CATSPERE: variants seen among roughly 807,000 people sequenced by gnomAD.
The protein encoded by CATSPERE is cation channel sperm-associated auxiliary subunit epsilon.
Under a neutral mutation model 114.1 loss-of-function variants are expected in CATSPERE, and 93 were observed. That is an observed-to-expected ratio of 0.81 (90% confidence interval 0.69 to 0.97). The LOEUF is 0.97. CATSPERE is among the 50% of genes least tolerant of loss of function. CATSPERE has a pLI of 0.00. For missense variants in CATSPERE, 1,058 were observed against 1,131.6 expected (o/e 0.93, Z 0.93); for synonymous variants, 341 against 384.1 (o/e 0.89, Z 1.31).
intron 2 of CATSPERE, among the ~76,000 whole-genome samples, chr1:244,469,774 GTTC>G (rs1256833347): frequency 6.6e-6 from 1 of 152,130 alleles, no homozygotes; most frequent in Non-Finnish European, 1.5e-5. Context: ...AGGACTCACA[GTTC>G]TTGACGTTTA....
intron 4 of CATSPERE, among the ~76,000 whole-genome samples, chr1:244,478,457 G>C (rs1372646341): frequency 2.0e-5 from 3 of 152,160 alleles, no homozygotes; most frequent in Non-Finnish European, 4.4e-5. Context: ...TTAATACACT[G>C]GCATTTTAGT....
At chr1:244,492,546 G>A (rs1450054237) in intron 6 of CATSPERE, among the ~76,000 whole-genome samples, 36 of 150,412 alleles carry the variant, frequency 2.4e-4, no homozygotes, top group East Asian at 1.4e-3. Flanking sequence ...AGACAGGGAT[G>A]CCCTCTCTCA....
intron 8 of CATSPERE, among the ~76,000 whole-genome samples, chr1:244,544,399 T>G (rs1659392823): frequency 6.6e-6 from 1 of 151,722 alleles, no homozygotes. Context: ...ATCAATGGAG[T>G]TTTAACTTAG....
At chr1:244,631,340 A>G (rs1673919272) in intron 20 of CATSPERE, among the ~76,000 whole-genome samples, 2 of 152,226 alleles carry the variant, frequency 1.3e-5, no homozygotes, top group African/African-American at 4.8e-5. Flanking sequence ...ATGCAAAACT[A>G]TAAAACTCAT....
intron 7 of CATSPERE, among the ~76,000 whole-genome samples, chr1:244,514,741 A>AT (rs1676323093): frequency 6.6e-6 from 1 of 150,716 alleles, no homozygotes; most frequent in Non-Finnish European, 1.5e-5. Context: ...AGGCAGGAGA[A>AT]TGGCATGAAC....
Position 244,609,733 on chromosome 1 carries a change from A to T in CATSPERE, c.2404-507A>T, listed in dbSNP as rs75926729. Among the ~76,000 whole-genome samples, 63 of 152,342 alleles carry T rather than the reference A, an allele frequency of 4.1e-4. 1 individual carries two copies. The East Asian group carries it at 0.012, about 28-fold the overall frequency. On this transcript the variant is annotated intron_variant, in intron 18 of 21. Transcript: ENST00000366534. The stretch of plus-strand genomic sequence containing the variant: ...ATGACACAACTGTTCATGTGAAACA[A>T]TTAGAATTAATAAGTGAGTTTAGAA...
Position 244,520,803 on chromosome 1 carries a change from A to C in CATSPERE, c.536+2105A>C, listed in dbSNP as rs6664640. ...CAGCAACTAAGGAAAAATTCTAGAA[A>C]AATATAAATCGTCAAAATTGACCCA... is the stretch of plus-strand genomic sequence containing the variant. On this transcript the variant is annotated intron_variant, in intron 8 of 21. Coordinates refer to ENST00000366534, the MANE Select transcript of CATSPERE (RefSeq NM_001130957.2). Among the ~76,000 whole-genome samples, 197 of 152,328 alleles carry C rather than the reference A, an allele frequency of 1.3e-3. 2 individuals are homozygous for C. The highest frequency in any genetic ancestry group is 4.4e-3 in the African/African-American group (184 of 41,572).
intron 7 of CATSPERE, chr1:244,515,428 G>A (rs908204530): frequency 2.4e-5 from 11 of 458,168 alleles, no homozygotes; most frequent in African/African-American, 6.4e-5. Context: ...TTGGTTTGAA[G>A]TGCTTCTCAG....
chr1:244,635,561 C>G lies in CATSPERE; in HGVS notation c.2702+19C>G. The G allele has an allele frequency of 6.3e-7, 1 of 1,592,784 alleles. No homozygotes were observed. Among genetic ancestry groups the G allele is most frequent in the Non-Finnish European group, 8.6e-7 (1 of 1,161,870 alleles). On this transcript the variant is annotated intron_variant, in intron 21 of 21. Coordinates refer to ENST00000366534, the MANE Select transcript of CATSPERE (RefSeq NM_001130957.2). ...TTCCCAGGTAAGGAGCAGGGCCTAA[C>G]TGGACTTTAATTAGGGAATTTCTAA...
intron 17 of CATSPERE, among the ~76,000 whole-genome samples, chr1:244,599,763 A>G (rs1320332117): frequency 1.3e-5 from 2 of 152,102 alleles, no homozygotes; most frequent in Admixed American, 1.3e-4. Context: ...TGGCTTCCTT[A>G]CCGTTCCTCA....
At chr1:244,532,186 AT>A (rs762354585) in intron 8 of CATSPERE, among the ~76,000 whole-genome samples, 2 of 151,758 alleles carry the variant, frequency 1.3e-5, no homozygotes, top group Middle Eastern at 3.4e-3. Context: ...TTCATCCCCA[AT>A]TTTATTTATT....
At chr1:244,470,193 C>G (rs914736939) in intron 2 of CATSPERE, among the ~76,000 whole-genome samples, 6 of 152,126 alleles carry the variant, frequency 3.9e-5, no homozygotes, top group Non-Finnish European at 7.4e-5. Context: ...TGGACATCAT[C>G]AAAATTAAAG....
intron 8 of CATSPERE, among the ~76,000 whole-genome samples, chr1:244,548,547 C>T (rs1390565082): frequency 6.6e-6 from 1 of 152,176 alleles, no homozygotes; most frequent in Non-Finnish European, 1.5e-5. Context: ...ACACATAATC[C>T]TTCTGCCATA....
intron 2 of CATSPERE, among the ~76,000 whole-genome samples, chr1:244,476,968 C>T (rs1055790209): frequency 6.6e-6 from 1 of 152,078 alleles, no homozygotes; most frequent in African/African-American, 2.4e-5. Context: ...GTGTCAGTCC[C>T]TTCTTAGATA....
chr1:244,602,165 A>T (rs1292809279), intron 17 of CATSPERE, among the ~76,000 whole-genome samples: 2 of 152,158 alleles, frequency 1.3e-5, no homozygotes, highest in Non-Finnish European at 2.9e-5. Flanking sequence ...GAAATAACTT[A>T]TTTGTCTGCT....
At chr1:244,553,071 A>G (rs1485169972) in intron 9 of CATSPERE, among the ~76,000 whole-genome samples, 1 of 152,174 alleles carries the variant, frequency 6.6e-6, no homozygotes, top group South Asian at 2.1e-4. Context: ...TTACCTTGAT[A>G]TGGGCAAAAG....
chr1:244,526,954 G>C (rs1266837767), intron 8 of CATSPERE, among the ~76,000 whole-genome samples: 1 of 152,130 alleles, frequency 6.6e-6, no homozygotes, highest in Non-Finnish European at 1.5e-5. Context: ...AAAGGGGAGG[G>C]AGTGTATGAA....
Position 244,560,779 on chromosome 1 carries a change from C to T in CATSPERE, c.1141C>T (p.Leu381=). ...AACTACCACAGAACTGAAAAACATCCTAAGTCTATCGGTGACTGCTACTCT... is the reference window on the plus strand; with the variant it reads ...AACTACCACAGAACTGAAAAACATCTTAAGTCTATCGGTGACTGCTACTCT... ...LVTTTELKNI[L]SLSVTATLTI... is the part of the protein sequence containing the mutation. Residue 381 remains leucine (L), a synonymous_variant, in exon 10 of 22, where the codon CTA becomes TTA. Coordinates refer to ENST00000366534, the MANE Select transcript of CATSPERE (RefSeq NM_001130957.2). 1 of 1,613,926 alleles carries T rather than the reference C, an allele frequency of 6.2e-7. No homozygotes were observed. Among genetic ancestry groups the T allele is most frequent in the Non-Finnish European group, 8.5e-7 (1 of 1,179,928 alleles).
chr1:244,507,504 T>C lies in CATSPERE; in HGVS notation c.429+8425T>C, dbSNP rs539081202. Among the ~76,000 whole-genome samples the C allele has an allele frequency of 2.6e-5, 4 of 152,318 alleles. No homozygotes were observed. The East Asian group carries it at 7.7e-4, about 29-fold the overall frequency. On this transcript the variant is annotated intron_variant, in intron 7 of 21. Coordinates refer to ENST00000366534, the MANE Select transcript of CATSPERE (RefSeq NM_001130957.2). ...TTTTAATTTAATAAAGTCCCATTTG[T>C]CTATTTTTGTGTTTGTTGCATATGC...
Sources: gnomAD v4.1 joint callset for allele counts (sites outside exome capture counted in the v4.1 genomes callset) on GRCh38, gnomAD v4.1.1 for gene constraint, MANE v1.5 for transcripts, NCBI Gene and HGNC (gene_info 2026-07-23, HGNC 2026-07-21) for gene names.